Variants in NRXN3 observed in about 807,000 individuals in gnomAD.
NRXN3 encodes neurexin III.
A neutral mutation model predicts 137.6 loss-of-function variants in NRXN3; 32 were observed. The ratio of observed to expected loss-of-function variants is 0.23; its 90% CI spans 0.18 to 0.31. The LOEUF is 0.31. Ranked by LOEUF, NRXN3 falls within the 10% of genes least tolerant of loss-of-function variation. The pLI is 1.00. For synonymous variants in NRXN3, 798 were observed against 784.5 expected, an observed-to-expected ratio of 1.02 and a Z score of -0.29; for missense variants, 1,574 against 2,062.5, an observed-to-expected ratio of 0.76 and a Z score of 4.59.
chr14:79,626,590 T>G (rs1262886708), intron 16 of NRXN3, among the ~76,000 whole-genome samples: 1 of 152,196 alleles, frequency 6.6e-6, no homozygotes, highest in Admixed American at 6.5e-5. Context: ...ATAAACAGGT[T>G]GTAAAATTTT....
chr14:79,793,883 C>T (rs1253695884), intron 19 of NRXN3, among the ~76,000 whole-genome samples: 1 of 152,112 alleles, frequency 6.6e-6, no homozygotes, highest in Non-Finnish European at 1.5e-5. Context: ...ATGTCATAGC[C>T]CATATATGCA....
chr14:78,467,839 C>A (rs1016733241), intron 4 of NRXN3, among the ~76,000 whole-genome samples: 1 of 152,104 alleles, frequency 6.6e-6, no homozygotes, highest in African/African-American at 2.4e-5. Flanking sequence ...CATACACACA[C>A]ACCACACACC....
At chr14:78,409,623 G>A (rs1320904861) in intron 4 of NRXN3, among the ~76,000 whole-genome samples, 2 of 152,220 alleles carry the variant, frequency 1.3e-5, no homozygotes. Context: ...GGCAGAAAGT[G>A]TTCAGTATAA....
chr14:78,315,294 G>C lies in NRXN3; in HGVS notation c.757+17434G>C, dbSNP rs561392405. 9.7e-4 allele frequency among the ~76,000 whole-genome samples: 147 copies of C among 152,148 alleles called. 1 individual carries two copies. Among genetic ancestry groups the C allele is most frequent in the African/African-American group, 3.5e-3 (145 of 41,504 alleles). On this transcript the variant is annotated intron_variant, in intron 4 of 20. Transcript: ENST00000335750. ...AGGCATGAGTCACTGCACCCAGCTT[G>C]TATGTGTATTTTGTATTAAACAAAA...
chr14:78,752,131 G>A (rs190566494), intron 8 of NRXN3, among the ~76,000 whole-genome samples: 43 of 152,308 alleles, frequency 2.8e-4, no homozygotes, highest in African/African-American at 8.9e-4. Context: ...GGGGCCAGGC[G>A]CGGTGGCTCA....
chr14:79,803,903 A>G (rs1433607324), intron 19 of NRXN3, among the ~76,000 whole-genome samples: 24 of 142,992 alleles, frequency 1.7e-4, no homozygotes, highest in Admixed American at 2.8e-4. Context: ...GTGTGTGTAT[A>G]TATATATATG....
chr14:79,473,143 G>T (rs941811593), intron 16 of NRXN3, among the ~76,000 whole-genome samples: 1 of 151,834 alleles, frequency 6.6e-6, no homozygotes, highest in Non-Finnish European at 1.5e-5. Flanking sequence ...TTACATACAC[G>T]AGGATGAGGG....
At chr14:79,817,831 A>C (rs912128632) in intron 20 of NRXN3, among the ~76,000 whole-genome samples, 1 of 152,176 alleles carries the variant, frequency 6.6e-6, no homozygotes, top group African/African-American at 2.4e-5. Flanking sequence ...TAGTTGATAA[A>C]TGGGTTAGTT....
chr14:78,975,901 T>C, intron 14 of NRXN3, among the ~76,000 whole-genome samples: 1 of 152,158 alleles, frequency 6.6e-6, no homozygotes, highest in East Asian at 1.9e-4. Context: ...AGAATCTACA[T>C]CTCTCTAGGT....
At chr14:79,255,523 T>C (rs1340067222) in intron 15 of NRXN3, among the ~76,000 whole-genome samples, 1 of 152,250 alleles carries the variant, frequency 6.6e-6, no homozygotes, top group Non-Finnish European at 1.5e-5. Flanking sequence ...GTTTTCTTCT[T>C]TGTAAAATGG....
intron 19 of NRXN3, among the ~76,000 whole-genome samples, chr14:79,767,239 G>A (rs921023188): frequency 1.3e-5 from 2 of 152,040 alleles, no homozygotes; most frequent in Non-Finnish European, 2.9e-5. Flanking sequence ...CCATTCTCTG[G>A]GCTTCAATAT....
intron 9 of NRXN3, 100 bp from the exon 10 acceptor site, chr14:78,810,218 T>C: frequency 1.4e-6 from 1 of 708,802 alleles, no homozygotes; most frequent in South Asian, 1.7e-5. Flanking sequence ...ATTTCTTACG[T>C]GTGTCTGTCC....
intron 15 of NRXN3, among the ~76,000 whole-genome samples, chr14:79,226,818 T>C (rs1266673070): frequency 2.5e-5 from 3 of 121,540 alleles, no homozygotes; most frequent in Admixed American, 9.8e-5. Flanking sequence ...TTTTTTCTTT[T>C]TTTTTTTTTT....
At chr14:78,300,931 C>T (rs566983624) in intron 4 of NRXN3, among the ~76,000 whole-genome samples, 1 of 152,116 alleles carries the variant, frequency 6.6e-6, no homozygotes, top group Non-Finnish European at 1.5e-5. Context: ...TGAGGGCGGG[C>T]CTTCTGCATG....
At chr14:79,099,705 C>G (rs2050932743) in intron 15 of NRXN3, among the ~76,000 whole-genome samples, 2 of 152,060 alleles carry the variant, frequency 1.3e-5, no homozygotes, top group Non-Finnish European at 2.9e-5. Flanking sequence ...GTGCAAAAAC[C>G]TCTCAGATCT....
chr14:79,009,436 C>A (rs1474784711), intron 15 of NRXN3, among the ~76,000 whole-genome samples: 1 of 152,078 alleles, frequency 6.6e-6, no homozygotes, highest in Non-Finnish European at 1.5e-5. Flanking sequence ...AGAGTCAGTG[C>A]GATGCTAAAC....
At chr14:78,193,620 G>A (rs555158346) in intron 1 of NRXN3, among the ~76,000 whole-genome samples, 146 of 152,220 alleles carry the variant, frequency 9.6e-4, no homozygotes, top group African/African-American at 3.3e-3. Context: ...AAATTAGCTG[G>A]ATGTGGTGGC....
chr14:79,247,731 A>G (rs2075380276), intron 15 of NRXN3, among the ~76,000 whole-genome samples: 1 of 151,966 alleles, frequency 6.6e-6, no homozygotes, highest in Admixed American at 6.6e-5. Context: ...TAATTTATGA[A>G]GTTTTGTTTA....
At chr14:78,402,131 T>C (rs1246421551) in intron 4 of NRXN3, among the ~76,000 whole-genome samples, 2 of 152,226 alleles carry the variant, frequency 1.3e-5, no homozygotes, top group Admixed American at 6.5e-5. Flanking sequence ...TCTATGTGTG[T>C]TCTTCTGAAT....
Sources: allele counts gnomAD v4.1 joint callset (sites outside exome capture counted in the v4.1 genomes callset), GRCh38; gene constraint gnomAD v4.1.1; transcripts MANE v1.5; gene names NCBI Gene and HGNC (gene_info 2026-07-23, HGNC 2026-07-21).